TSPAN19: variants seen among roughly 807,000 people sequenced by gnomAD.
TSPAN19 encodes tetraspanin-19.
A neutral mutation model predicts 35.1 loss-of-function variants in TSPAN19; 44 were observed. The observed-to-expected ratio is 1.25, with a 90% CI of 0.98 to 1.61. The LOEUF is 1.61. Among genes scored for constraint, TSPAN19 ranks in the 40% most tolerant of loss-of-function variants. The pLI is 0.00. For missense variants in TSPAN19, 290 were observed against 280.0 expected (o/e 1.04, Z -0.26); for synonymous variants, 79 against 92.0 (o/e 0.86, Z 0.81).
At chr12:85,024,044 C>G (rs779332420) in intron 4 of TSPAN19, among the ~76,000 whole-genome samples, 4 of 151,960 alleles carry the variant, frequency 2.6e-5, no homozygotes, top group Non-Finnish European at 4.4e-5. Flanking sequence ...AGATTATAGT[C>G]CAGATTGCAT....
intron 8 of TSPAN19, 43 bp from the exon 9 acceptor site, chr12:85,014,598 G>T: frequency 1.4e-6 from 2 of 1,438,898 alleles, no homozygotes; most frequent in Non-Finnish European, 1.9e-6. Flanking sequence ...TTTAATCAAT[G>T]ATAAGAGTAA....
Position 85,019,719 on chromosome 12 carries a change from A to C in TSPAN19, c.357T>G (p.His119Gln), listed in dbSNP as rs746049634. 1 of 1,604,480 alleles carries C rather than the reference A, an allele frequency of 6.2e-7. No homozygotes were observed. Among genetic ancestry groups the C allele is most frequent in the East Asian group, 2.2e-5 (1 of 44,672 alleles). The change falls in exon 6 of 9, where the codon CAT becomes CAG. Residue 119 changes from histidine (H) to glutamine (Q), a missense_variant. By Grantham distance (24) the His-to-Gln change is conservative (BLOSUM62 0). Coordinates refer to ENST00000532498, the MANE Select transcript of TSPAN19 (RefSeq NM_001100917.2). ...CAGAAATGACAAAATCAATTTTGTC[A>C]TGCCATAGTTGCTGAACCTGTAGAA... is the stretch of plus-strand genomic sequence containing the variant. ...TKKEEVQQLWHDKIDFVISEY... is the reference protein window; with the variant it reads ...TKKEEVQQLWQDKIDFVISEY...
intron 1 of TSPAN19, among the ~76,000 whole-genome samples, chr12:85,031,261 T>C (rs751282587): frequency 2.6e-5 from 4 of 152,164 alleles, no homozygotes; most frequent in Admixed American, 6.6e-5. Flanking sequence ...CTCTAATGCC[T>C]GGCATGTTTT....
At chr12:85,018,368 T>C (rs1350952076) in intron 6 of TSPAN19, among the ~76,000 whole-genome samples, 1 of 151,910 alleles carries the variant, frequency 6.6e-6, no homozygotes, top group African/African-American at 2.4e-5. Flanking sequence ...AAATATTGAT[T>C]GAGAGTTAGG....
At chr12:85,029,595 G>T in intron 3 of TSPAN19, 124 bp downstream of exon 3, 1 of 836,718 alleles carries the variant, frequency 1.2e-6, no homozygotes, top group Non-Finnish European at 1.8e-6. Context: ...AAGACTTTCA[G>T]AAGGAATGCT....
chr12:85,025,278 A>G (rs1838671), intron 4 of TSPAN19, among the ~76,000 whole-genome samples: 33,358 of 149,168 alleles, frequency 0.22, 4,316 homozygotes, highest in Admixed American at 0.31. Flanking sequence ...TGGGATTACC[A>G]GTGCCCACCA....
intron 4 of TSPAN19, among the ~76,000 whole-genome samples, chr12:85,024,974 TTGAGA>T (rs1211740734): frequency 1.6e-4 from 24 of 151,834 alleles, no homozygotes; most frequent in Admixed American, 2.0e-4. Flanking sequence ...AATTTTCTTC[TTGAGA>T]TAAGTTATGT....
In TSPAN19 at chr12:85,029,745, T is replaced by A; in HGVS notation, c.113A>T (p.Asp38Val). 6.5e-7 allele frequency: 1 copy of A among 1,540,016 alleles called. No homozygotes were observed. The highest frequency in any genetic ancestry group is 8.7e-7 in the Non-Finnish European group (1 of 1,144,108). The change falls in exon 3 of 9, where the codon GAT (aspartate) becomes GTT (valine). Residue 38 changes from aspartate to valine, a missense_variant. Transcript: ENST00000532498. ...AAAAGCTGTTAAAAAATTATTTCTA[T>A]CTAATAAGAGCCATGCACCAAATCC... ...FMGFGAWLLL[D>V]RNNFLTAFDE...
rs566473830 is a variant in TSPAN19, at chr12:85,035,860, A to G, written c.-28+344T>C. 2.0e-5 allele frequency among the ~76,000 whole-genome samples: 3 copies of G among 152,210 alleles called. No individual in the cohort carries two copies. The South Asian group carries it at 6.2e-4, about 32-fold the overall frequency. Reference sequence around the variant, plus strand: ...CAGAAAATAATTTTTCAAATTTCTCACCCACATCCCTTCAGTTAGAGGTTT... The same window carrying G: ...CAGAAAATAATTTTTCAAATTTCTCGCCCACATCCCTTCAGTTAGAGGTTT... On this transcript the variant is annotated intron_variant, in intron 1 of 8. Coordinates refer to ENST00000532498, the MANE Select transcript of TSPAN19 (RefSeq NM_001100917.2).
In TSPAN19 at chr12:85,014,530, C is replaced by A; in HGVS notation, c.704G>T (p.Cys235Phe). 1 of 1,601,190 alleles carries A rather than the reference C, an allele frequency of 6.2e-7. No individual in the cohort carries two copies. ...SEVFQVSLTVCFFKNIKNIIH... is the reference protein window; with the variant it reads ...SEVFQVSLTVFFFKNIKNIIH... ...TATATTCTTGATGTTTTTGAAGAAA[C>A]AAACTGTTAATGAGACTTGGAAAAC... The change falls in exon 9 of 9, where the codon TGT (cysteine) becomes TTT (phenylalanine). Residue 235 changes from cysteine (C) to phenylalanine (F), a missense_variant. Coordinates refer to ENST00000532498, the MANE Select transcript of TSPAN19 (RefSeq NM_001100917.2).
At position 85,014,599 on chromosome 12, in the gene TSPAN19, A is replaced by G. The variant is rs545747980; in HGVS notation, c.679-44T>C. 9.7e-6 allele frequency: 14 copies of G among 1,438,922 alleles called. No individual in the cohort carries two copies. The South Asian group carries it at 1.6e-4, about 16-fold the overall frequency. The allele number at this position is 1,438,922 out of a possible 1,614,324, so 89.1% of individuals were successfully genotyped here. On this transcript the variant is annotated intron_variant, in intron 8 of 8. Transcript: ENST00000532498. The stretch of plus-strand genomic sequence containing the variant: ...ATAAGAGATTAAAATTTAATCAATG[A>G]TAAGAGTAATTTGCAAAGTTAACAA...
chr12:85,023,206 C>G (rs890813376), intron 5 of TSPAN19, 120 bp downstream of exon 5: 2 of 814,260 alleles, frequency 2.5e-6, no homozygotes, highest in Middle Eastern at 3.3e-4. Flanking sequence ...TATTATTTTC[C>G]CCTAAAGAAA....
In TSPAN19 at chr12:85,036,246, G is replaced by C. The variant is rs1286223927; in HGVS notation, c.-70C>G. The stretch of plus-strand genomic sequence containing the variant: ...CTCCTCATCCAGTCCCTGAAATGCT[G>C]CGTTCGTTTCAATTTAGAATCGAGA... On this transcript the variant is annotated 5_prime_UTR_variant, in exon 1 of 9. Transcript: ENST00000532498. The C allele has an allele frequency of 6.6e-6, 1 of 152,162 alleles. No homozygotes were observed. The highest frequency in any genetic ancestry group is 2.1e-4 in the South Asian group (1 of 4,832). 9.4% of individuals were successfully genotyped at this position (152,162 alleles called of 1,614,324 possible).
Position 85,023,322 on chromosome 12 carries a change from A to G in TSPAN19, c.339+4T>C. ...ATGTATTGAAAAGGATTTACTTTCC[A>G]TACCTCCTCTTTCTTTGTGATGATG... On this transcript the variant is annotated splice_donor_region_variant and intron_variant, in intron 5 of 8. Transcript: ENST00000532498. The G allele has an allele frequency of 1.9e-6, 3 of 1,572,500 alleles. No individual in the cohort carries two copies. The highest frequency in any genetic ancestry group is 1.2e-5 in the South Asian group (1 of 85,474).
rs754404410 is a variant in TSPAN19 at position 85,023,409 on chromosome 12, A to C, written c.265-9T>G. On this transcript the variant is annotated splice_polypyrimidine_tract_variant and intron_variant, in intron 4 of 8. Coordinates refer to ENST00000532498, the MANE Select transcript of TSPAN19 (RefSeq NM_001100917.2). ...GTTATCAATACTGCATACTAAAACA[A>C]AAGAAAAATAGAGATGATGACTATG... is the stretch of plus-strand genomic sequence containing the variant. 1.5e-5 allele frequency: 23 copies of C among 1,562,730 alleles called. No homozygotes were observed. The East Asian group carries it at 5.4e-4, about 36-fold the overall frequency.
At chr12:85,019,533 T>C in intron 6 of TSPAN19, 93 bp downstream of exon 6, 1 of 719,684 alleles carries the variant, frequency 1.4e-6, no homozygotes, top group Non-Finnish European at 2.4e-6. Flanking sequence ...CAAACTTTCA[T>C]CCATCTGCCC....
At chr12:85,014,590 T>G (rs1440991986) in intron 8 of TSPAN19, 35 bp from the exon 9 acceptor site, 1 of 1,466,436 alleles carries the variant, frequency 6.8e-7, no homozygotes, top group South Asian at 1.2e-5. Context: ...GATTAAAATT[T>G]AATCAATGAT....
chr12:85,034,501 C>T (rs529348363), intron 1 of TSPAN19, among the ~76,000 whole-genome samples: 1 of 152,042 alleles, frequency 6.6e-6, no homozygotes, highest in Non-Finnish European at 1.5e-5. Context: ...ATCAACCACA[C>T]CTACAAATTG....
intron 5 of TSPAN19, among the ~76,000 whole-genome samples, chr12:85,020,900 G>T (rs751822108): frequency 6.6e-6 from 1 of 151,752 alleles, no homozygotes; most frequent in South Asian, 2.1e-4. Flanking sequence ...TTGTTAGTTT[G>T]TCTTTTGTTA....
Sources: allele counts gnomAD v4.1 joint callset (sites outside exome capture counted in the v4.1 genomes callset), GRCh38; gene constraint gnomAD v4.1.1; transcripts MANE v1.5; gene names NCBI Gene and HGNC (gene_info 2026-07-23, HGNC 2026-07-21).